Variants in SHROOM3 observed in about 807,000 individuals in gnomAD.
SHROOM3 encodes the protein protein Shroom3.
A neutral mutation model predicts 138.6 loss-of-function variants in SHROOM3; 47 were observed. The ratio of observed to expected loss-of-function variants is 0.34; its 90% CI spans 0.27 to 0.43. The LOEUF (loss-of-function observed/expected upper bound fraction) is 0.43, where lower values mean the gene tolerates loss of function less well. SHROOM3 is among the 20% of genes least tolerant of loss of function. The probability of loss-of-function intolerance (pLI) is 1.00; values close to 1 mark genes in which losing one functional copy is unlikely to be tolerated. For missense variants in SHROOM3, 2,491 were observed against 2,596.5 expected (o/e 0.96, Z 0.88); for synonymous variants, 1,062 against 1,063.3 (o/e 1.00, Z 0.02).
chr4:76,526,143 G>A (rs774717620), intron 1 of SHROOM3, among the ~76,000 whole-genome samples: 10 of 152,188 alleles, frequency 6.6e-5, no homozygotes, highest in Non-Finnish European at 1.5e-4. Context: ...CAAGGCAGGT[G>A]GATCACCTGA....
chr4:76,446,325 T>TAA (rs3041169), intron 1 of SHROOM3, among the ~76,000 whole-genome samples: 9 of 143,164 alleles, frequency 6.3e-5, no homozygotes, highest in African/African-American at 1.8e-4. Flanking sequence ...GATAAACTGG[T>TAA]AAAAAAAAAA....
At chr4:76,603,727 C>T (rs1001999355) in intron 2 of SHROOM3, among the ~76,000 whole-genome samples, 2 of 152,058 alleles carry the variant, frequency 1.3e-5, no homozygotes, top group Non-Finnish European at 2.9e-5. Flanking sequence ...CACTATCCCT[C>T]CCTCAGCCCC....
intron 2 of SHROOM3, among the ~76,000 whole-genome samples, chr4:76,558,980 C>A (rs191191673): frequency 1.3e-5 from 2 of 152,192 alleles, no homozygotes; most frequent in South Asian, 2.1e-4. Context: ...ATGCTGCCAA[C>A]GTTCTCCTCT....
chr4:76,728,046 C>T (rs1720763219), intron 3 of SHROOM3, among the ~76,000 whole-genome samples: 1 of 151,594 alleles, frequency 6.6e-6, no homozygotes, highest in Admixed American at 6.6e-5. Flanking sequence ...GTGGCGTGTG[C>T]CTGTAGTCCC....
intron 2 of SHROOM3, among the ~76,000 whole-genome samples, chr4:76,675,638 A>G (rs896946639): frequency 2.6e-5 from 4 of 152,208 alleles, no homozygotes; most frequent in African/African-American, 9.6e-5. Flanking sequence ...TGGGAGGATC[A>G]CTTGAGGCCA....
At chr4:76,720,705 G>A (rs916412331) in intron 3 of SHROOM3, among the ~76,000 whole-genome samples, 3 of 149,574 alleles carry the variant, frequency 2.0e-5, no homozygotes, top group Admixed American at 6.7e-5. Context: ...CTCGCCTCCC[G>A]GAGTCAAGCG....
intron 3 of SHROOM3, among the ~76,000 whole-genome samples, chr4:76,711,473 C>T (rs1404436405): frequency 6.6e-6 from 1 of 152,186 alleles, no homozygotes; most frequent in Non-Finnish European, 1.5e-5. Context: ...TGGCTCATGC[C>T]TGTAAGCCCA....
chr4:76,680,920 C>G (rs1415164076), intron 2 of SHROOM3, among the ~76,000 whole-genome samples: 1 of 152,194 alleles, frequency 6.6e-6, no homozygotes, highest in Non-Finnish European at 1.5e-5. Flanking sequence ...TCAATGAGCC[C>G]GGCACCTCCC....
At chr4:76,504,208 G>T (rs561470187) in intron 1 of SHROOM3, among the ~76,000 whole-genome samples, 3 of 152,238 alleles carry the variant, frequency 2.0e-5, no homozygotes, top group East Asian at 1.9e-4. Flanking sequence ...GCCCAGGCTG[G>T]AGTGTAATGG....
At chr4:76,540,714 A>G (rs1733080098) in intron 1 of SHROOM3, among the ~76,000 whole-genome samples, 1 of 152,204 alleles carries the variant, frequency 6.6e-6, no homozygotes, top group Admixed American at 6.5e-5. Context: ...TAAAATATCA[A>G]GAGATTTGTT....
At chr4:76,773,873 A>T (rs1039741357) in intron 10 of SHROOM3, among the ~76,000 whole-genome samples, 3 of 152,144 alleles carry the variant, frequency 2.0e-5, no homozygotes, top group African/African-American at 4.8e-5. Flanking sequence ...ACAGAAAATC[A>T]TCACAAAGAC....
chr4:76,437,002 C>T (rs1730576914), intron 1 of SHROOM3, among the ~76,000 whole-genome samples: 1 of 152,052 alleles, frequency 6.6e-6, no homozygotes, highest in Non-Finnish European at 1.5e-5. Context: ...CATCAAGAAA[C>T]ATTTGTAATT....
At chr4:76,746,781 CATTATTATTATT>C (rs199823641) in intron 5 of SHROOM3, among the ~76,000 whole-genome samples, 9,343 of 140,532 alleles carry the variant, frequency 0.066, 439 homozygotes, top group African/African-American at 0.13. Context: ...TTTAGATTTA[CATTATTATTATT>C]ATTATTATTA....
intron 7 of SHROOM3, among the ~76,000 whole-genome samples, chr4:76,756,174 A>G (rs907907659): frequency 2.6e-5 from 4 of 152,120 alleles, no homozygotes; most frequent in African/African-American, 9.7e-5. Context: ...TCCTATGTAT[A>G]TATCTATGTA....
chr4:76,520,228 A>T (rs1049743849), intron 1 of SHROOM3, among the ~76,000 whole-genome samples: 1 of 152,178 alleles, frequency 6.6e-6, no homozygotes, highest in Admixed American at 6.5e-5. Flanking sequence ...TCCAGGGTCA[A>T]AGAGAAATCA....
At chr4:76,690,407 G>A (rs1315855885) in intron 2 of SHROOM3, among the ~76,000 whole-genome samples, 1 of 152,144 alleles carries the variant, frequency 6.6e-6, no homozygotes, top group African/African-American at 2.4e-5. Context: ...TTGTTGTGGC[G>A]CACTGTGTGC....
chr4:76,749,503 C>T (rs944465740), intron 6 of SHROOM3, among the ~76,000 whole-genome samples: 11 of 152,204 alleles, frequency 7.2e-5, no homozygotes, highest in Admixed American at 6.5e-5. Flanking sequence ...TATTCTTGAG[C>T]GTGCCCCATG....
intron 2 of SHROOM3, among the ~76,000 whole-genome samples, chr4:76,697,890 A>T (rs759909905): frequency 1.3e-5 from 2 of 152,164 alleles, no homozygotes; most frequent in African/African-American, 2.4e-5. Context: ...AACATACAGG[A>T]TGAGGAAAAA....
intron 1 of SHROOM3, among the ~76,000 whole-genome samples, chr4:76,530,575 T>C (rs1732809119): frequency 1.3e-5 from 2 of 152,200 alleles, no homozygotes; most frequent in South Asian, 4.1e-4. Context: ...TTCATTGCCT[T>C]TCCTCTTTTC....
Sources: gnomAD v4.1 joint callset for allele counts (sites outside exome capture counted in the v4.1 genomes callset) on GRCh38, gnomAD v4.1.1 for gene constraint, MANE v1.5 for transcripts, NCBI Gene and HGNC (gene_info 2026-07-23, HGNC 2026-07-21) for gene names.